Variants in GRIK4 observed in about 807,000 individuals in gnomAD.
GRIK4 encodes glutamate ionotropic receptor kainate type subunit 4.
Under a neutral mutation model 104.9 loss-of-function variants are expected in GRIK4, and 40 were observed. The observed-to-expected ratio is 0.38, with a 90% CI of 0.30 to 0.50. The LOEUF is 0.50. Among genes scored for constraint, GRIK4 ranks in the 20% least tolerant of loss-of-function variants. The probability of loss-of-function intolerance (pLI) is 0.93; values close to 1 mark genes in which losing one functional copy is unlikely to be tolerated. For missense variants in GRIK4, 1,047 were observed against 1,308.1 expected, an observed-to-expected ratio of 0.80 and a Z score of 3.08; for synonymous variants, 485 against 524.9, an observed-to-expected ratio of 0.92 and a Z score of 1.04.
At chr11:120,809,878 C>T (rs923117825) in intron 4 of GRIK4, among the ~76,000 whole-genome samples, 6 of 152,052 alleles carry the variant, frequency 3.9e-5, no homozygotes, top group East Asian at 3.9e-4. Flanking sequence ...CCAGCCTGGG[C>T]GATGTAGTGG....
Position 120,819,356 on chromosome 11 carries a change from T to C in GRIK4, c.346-399T>C, listed in dbSNP as rs1351798910. Among the ~76,000 whole-genome samples the C allele has an allele frequency of 6.6e-6, 1 of 152,182 alleles. No homozygotes were observed. The highest frequency in any genetic ancestry group is 2.4e-5 in the African/African-American group (1 of 41,440). On this transcript the variant is annotated intron_variant, in intron 5 of 20. Transcript: ENST00000527524. The surrounding 1 kb of genome is among the most constrained non-coding windows in gnomAD (Gnocchi z 4.3). ...ATTTTTCTCTTTCTGCCGTCTCTGC[T>C]CTGATGTATTAACTACAAATAAAAT...
intron 6 of GRIK4, among the ~76,000 whole-genome samples, chr11:120,826,473 G>A (rs1442720947): frequency 1.3e-5 from 2 of 152,202 alleles, no homozygotes; most frequent in East Asian, 3.8e-4. Context: ...AGGGCAGTCA[G>A]GAGGATGAAA....
chr11:120,657,373 A>G (rs1949727902), intron 2 of GRIK4, among the ~76,000 whole-genome samples: 1 of 152,246 alleles, frequency 6.6e-6, no homozygotes. Flanking sequence ...CATGAATTAA[A>G]GAACAAAGAT....
At chr11:120,932,605 C>A (rs1195132110) in intron 13 of GRIK4, among the ~76,000 whole-genome samples, 1 of 152,208 alleles carries the variant, frequency 6.6e-6, no homozygotes. Flanking sequence ...TACAGGGGAT[C>A]TCCAGAGACA....
At chr11:120,629,586 C>T (rs113667748) in intron 1 of GRIK4, among the ~76,000 whole-genome samples, 232 of 152,154 alleles carry the variant, frequency 1.5e-3, no homozygotes, top group African/African-American at 5.3e-3. Context: ...GCTATGTGCT[C>T]AGGCTTCTGG....
chr11:120,774,875 C>T (rs533541834), intron 3 of GRIK4, among the ~76,000 whole-genome samples: 22 of 152,246 alleles, frequency 1.4e-4, no homozygotes, highest in African/African-American at 4.8e-4. Context: ...TGTGAATACA[C>T]GCATGAACAA....
chr11:120,642,092 T>C lies in GRIK4; in HGVS notation c.-158-11593T>C, dbSNP rs140856272. On this transcript the variant is annotated intron_variant, in intron 1 of 20. Coordinates refer to ENST00000527524, the MANE Select transcript of GRIK4 (RefSeq NM_014619.5). Reference sequence around the variant, plus strand: ...GATTTGATGGCTACCTGTGTGTTTTTCCCAACACACATTATCTGTCTTGCA... The same window carrying C: ...GATTTGATGGCTACCTGTGTGTTTTCCCCAACACACATTATCTGTCTTGCA... 2.4e-3 allele frequency among the ~76,000 whole-genome samples: 367 copies of C among 152,344 alleles called. 2 individuals are homozygous for C. Among genetic ancestry groups the C allele is most frequent in the Middle Eastern group, 0.014 (4 of 294 alleles).
At chr11:120,657,639 C>T (rs1398401421) in intron 2 of GRIK4, among the ~76,000 whole-genome samples, 1 of 152,236 alleles carries the variant, frequency 6.6e-6, no homozygotes, top group Non-Finnish European at 1.5e-5. Context: ...AAGTGCTGCT[C>T]TCAGAGCCAT....
intron 1 of GRIK4, among the ~76,000 whole-genome samples, chr11:120,576,222 G>A (rs1948482034): frequency 6.6e-6 from 1 of 152,194 alleles, no homozygotes; most frequent in South Asian, 2.1e-4. Flanking sequence ...TGGTCGAGGG[G>A]TGAGTTTGGA....
rs74928222 is a variant in GRIK4, at chr11:120,908,254, G to A, written c.1476+2761G>A. On this transcript the variant is annotated intron_variant, in intron 13 of 20. Transcript: ENST00000527524. ...CCTGGTCTGTCTGATCTCAGTACTC[G>A]TGATCTGAGAAAACACACATCTTGA... Among the ~76,000 whole-genome samples the A allele has an allele frequency of 4.0e-3, 613 of 152,266 alleles. 11 individuals are homozygous for A. The highest frequency in any genetic ancestry group is 0.04 in the East Asian group (206 of 5,164).
intron 1 of GRIK4, among the ~76,000 whole-genome samples, chr11:120,647,142 T>C (rs1209565001): frequency 6.6e-6 from 1 of 152,230 alleles, no homozygotes; most frequent in Non-Finnish European, 1.5e-5. Context: ...AGACTGGCTC[T>C]GGACCTGCCA....
chr11:120,789,008 T>A (rs1334807695), intron 3 of GRIK4, among the ~76,000 whole-genome samples: 1 of 152,012 alleles, frequency 6.6e-6, no homozygotes, highest in Non-Finnish European at 1.5e-5. Context: ...TTAGATCCTC[T>A]GGTCTAACCA....
chr11:120,683,964 T>A (rs910926446), intron 3 of GRIK4, among the ~76,000 whole-genome samples: 2 of 152,240 alleles, frequency 1.3e-5, no homozygotes, highest in Admixed American at 1.3e-4. Flanking sequence ...TGCAAATAAG[T>A]ACAGAACTTT....
intron 8 of GRIK4, among the ~76,000 whole-genome samples, chr11:120,851,989 A>G (rs909809766): frequency 6.6e-6 from 1 of 152,152 alleles, no homozygotes; most frequent in Admixed American, 6.6e-5. Flanking sequence ...TTAGCAACTG[A>G]TGTATAGACA....
chr11:120,518,379 C>T (rs939310044), intron 1 of GRIK4, among the ~76,000 whole-genome samples: 6 of 152,176 alleles, frequency 3.9e-5, no homozygotes, highest in Admixed American at 3.9e-4. Flanking sequence ...AGTCCGGTTC[C>T]TAAGACTCTA....
Position 120,832,019 on chromosome 11 carries a change from A to T in GRIK4, c.679A>T (p.Ile227Phe). ...IHANASMSHT[I>F]LLKAAELGMV... ...CGCCAACGCCTCCATGTCCCACACC[A>T]TCCTCCTGAAGGTGGGAGCCTCCCT... Residue 227 changes from isoleucine to phenylalanine, a missense_variant, in exon 7 of 21, where the codon ATC (isoleucine) becomes TTC (phenylalanine). Around this residue, in one of 3 missense-constraint regions of GRIK4, gnomAD observed 447 missense variants for 514.9 expected, o/e 0.87. Transcript: ENST00000527524. 3 of 1,609,128 alleles carry T rather than the reference A, an allele frequency of 1.9e-6. No individual in the cohort carries two copies. The highest frequency in any genetic ancestry group is 2.5e-6 in the Non-Finnish European group (3 of 1,176,878).
At chr11:120,876,007 G>A (rs1954778581) in intron 11 of GRIK4, among the ~76,000 whole-genome samples, 1 of 151,988 alleles carries the variant, frequency 6.6e-6, no homozygotes. Flanking sequence ...AATACAGCAA[G>A]AAGTGGGTAC....
intron 1 of GRIK4, among the ~76,000 whole-genome samples, chr11:120,599,795 C>T (rs1429437957): frequency 6.6e-6 from 1 of 152,224 alleles, no homozygotes; most frequent in Non-Finnish European, 1.5e-5. Flanking sequence ...GCTACAAACA[C>T]CTTGGGCCTT....
At chr11:120,808,538 T>C (rs1021435061) in intron 4 of GRIK4, among the ~76,000 whole-genome samples, 2 of 152,190 alleles carry the variant, frequency 1.3e-5, no homozygotes, top group African/African-American at 2.4e-5. Flanking sequence ...ATGGCGGTCT[T>C]GAGTTCTTGG....
Sources: allele counts gnomAD v4.1 joint callset (sites outside exome capture counted in the v4.1 genomes callset), GRCh38; gene constraint gnomAD v4.1.1; regional missense constraint gnomAD v4.1.1; non-coding constraint Gnocchi (gnomAD v3.1); transcripts MANE v1.5; gene names NCBI Gene and HGNC (gene_info 2026-07-23, HGNC 2026-07-21).